RHOT2: variants seen among roughly 807,000 people sequenced by gnomAD.
RHOT2 encodes ras homolog family member T2, also known as mitochondrial Rho GTPase 2.
RHOT2 carries 90 observed loss-of-function variants against 81.6 expected under a neutral mutation model. The ratio of observed to expected loss-of-function variants is 1.10; its 90% CI spans 0.93 to 1.31. The LOEUF (loss-of-function observed/expected upper bound fraction) is 1.31, where lower values mean the gene tolerates loss of function less well. Ranked by LOEUF, RHOT2 falls within the 40% of genes most tolerant of loss-of-function variation. The pLI is 0.00. For synonymous variants in RHOT2, 512 were observed against 370.9 expected, an observed-to-expected ratio of 1.38 and a Z score of -4.37; for missense variants, 1,014 against 841.9, an observed-to-expected ratio of 1.20 and a Z score of -2.53.
intron 18 of RHOT2, 118 bp from the exon 19 acceptor site, chr16:673,362 C>G: frequency 6.8e-7 from 1 of 1,481,264 alleles, no homozygotes; most frequent in Non-Finnish European, 9.3e-7. Flanking sequence ...ACCGGCTGTG[C>G]CTCTGGTCTG....
At chr16:669,156 A>C in intron 4 of RHOT2, 1 of 387,694 alleles carries the variant, frequency 2.6e-6, no homozygotes, top group Non-Finnish European at 4.8e-6. Context: ...CTCTGTCTGT[A>C]GCGAGGGGGG....
At position 673,666 on chromosome 16, in the gene RHOT2, C is replaced by G. The variant is rs2039332130; in HGVS notation, c.*60C>G. On this transcript the variant is annotated 3_prime_UTR_variant, in exon 19 of 19. Coordinates refer to ENST00000315082, the MANE Select transcript of RHOT2 (RefSeq NM_138769.3). Reference sequence around the variant, plus strand: ...GGTGTGCCTCGCTGCTGGGGCTCTGCAGGGGCAGCACAGCTGGGGTGCAGG... The same window carrying G: ...GGTGTGCCTCGCTGCTGGGGCTCTGGAGGGGCAGCACAGCTGGGGTGCAGG... The G allele has an allele frequency of 1.9e-6, 3 of 1,563,322 alleles. No individual in the cohort carries two copies. Among genetic ancestry groups the G allele is most frequent in the Non-Finnish European group, 2.6e-6 (3 of 1,157,386 alleles).
rs761090510 is a variant in RHOT2 at position 670,961 on chromosome 16, G to A, written c.709G>A (p.Val237Met). The part of the protein sequence containing the change: ...EDVKTVVCRN[V>M]AGGVREDRLT... The stretch of plus-strand genomic sequence containing the variant: ...CGTGAAGACGGTGGTGTGCAGGAAC[G>A]TGGCGGGCGGCGTGCGGGAGGACCG... The change falls in exon 10 of 19, where the codon GTG (valine) becomes ATG (methionine). Residue 237 changes from valine (V) to methionine (M), a missense_variant. Physicochemically the swap from Val to Met is conservative, Grantham distance 21 (BLOSUM62 1). Transcript: ENST00000315082. The A allele has an allele frequency of 7.7e-6, 12 of 1,565,942 alleles. No homozygotes were observed. The highest frequency in any genetic ancestry group is 2.7e-5 in the African/African-American group (2 of 74,096).
At chr16:672,219 C>G in intron 14 of RHOT2, 35 bp from the exon 15 acceptor site, 1 of 1,612,034 alleles carries the variant, frequency 6.2e-7, no homozygotes, top group South Asian at 1.1e-5. Context: ...GCCCAGTATC[C>G]TGGCAGCTGC....
At position 671,202 on chromosome 16, in the gene RHOT2, CTG is replaced by C. The variant is rs1567247892; in HGVS notation, c.869+2_869+3del. On this transcript the variant is annotated splice_donor_variant and coding_sequence_variant, in exon 11 of 19. Transcript: ENST00000315082. LOFTEE classifies it high-confidence loss of function. ...GCTGACTGCGGACTATCTCTCCCCT[CTG>C]TGAGTGATGCCGGGGCTTGAGGCCT... 2 of 1,547,462 alleles carry C rather than the reference CTG, an allele frequency of 1.3e-6. No homozygotes were observed. The highest frequency in any genetic ancestry group is 2.3e-5 in the East Asian group (1 of 44,090).
Position 673,140 on chromosome 16 carries a change from C to T in RHOT2, c.1730+10C>T. ...CCATGGCCGCCTTCCCGTGGGTACC[C>T]AGTAGCGCAGCCCTGGGGACTAGCA... On this transcript the variant is annotated intron_variant, in intron 18 of 18. Transcript: ENST00000315082. 3.7e-6 allele frequency: 6 copies of T among 1,609,474 alleles called. No individual in the cohort carries two copies. Among genetic ancestry groups the T allele is most frequent in the Non-Finnish European group, 5.1e-6 (6 of 1,179,514 alleles).
In RHOT2 at chr16:671,305, C is replaced by A; in HGVS notation, c.869+102C>A. On this transcript the variant is annotated intron_variant, in intron 11 of 18. Transcript: ENST00000315082. ...AGTGACGCTGGGGTTTGAGGCCTGC[C>A]CTCCCTGAGGGTCAGTGAAGGTCTC... 4.1e-6 allele frequency: 6 copies of A among 1,460,600 alleles called. No individual in the cohort carries two copies. The South Asian group carries it at 8.4e-5, about 21-fold the overall frequency. 90.5% of individuals were successfully genotyped at this position (1,460,600 alleles called of 1,614,324 possible).
chr16:670,540 G>T lies in RHOT2; in HGVS notation c.523G>T (p.Asp175Tyr). The T allele has an allele frequency of 2.5e-6, 4 of 1,607,168 alleles. No individual in the cohort carries two copies. Among genetic ancestry groups the T allele is most frequent in the Non-Finnish European group, 2.5e-6 (3 of 1,176,970 alleles). ...CCTGCATCCCACAGCCCCCCTCTAT[G>T]ACCCTGAGGCCAAGCAGGTGAGCAT... ...AVLHPTAPLY[D>Y]PEAKQLRPAC... Residue 175 changes from aspartate to tyrosine, a missense_variant, in exon 8 of 19, where the codon GAC (aspartate) becomes TAC (tyrosine). Coordinates refer to ENST00000315082, the MANE Select transcript of RHOT2 (RefSeq NM_138769.3).
intron 17 of RHOT2, 49 bp downstream of exon 17, chr16:672,874 C>A (rs1596527706): frequency 1.2e-6 from 2 of 1,612,556 alleles, no homozygotes; most frequent in South Asian, 2.2e-5. Flanking sequence ...TCTGTCCCTC[C>A]AGCTGTGCCT....
chr16:673,796 C>T lies in RHOT2; in HGVS notation c.*190C>T, dbSNP rs2039344912. ...CTGCCATGCACTGCCCTGGCTCCTGCCGGACCCCCAGGGTGGGCCGTGGCA... is the reference window on the plus strand; with the variant it reads ...CTGCCATGCACTGCCCTGGCTCCTGTCGGACCCCCAGGGTGGGCCGTGGCA... On this transcript the variant is annotated 3_prime_UTR_variant, in exon 19 of 19. Coordinates refer to ENST00000315082, the MANE Select transcript of RHOT2 (RefSeq NM_138769.3). 6.6e-6 allele frequency: 5 copies of T among 754,786 alleles called. No homozygotes were observed. The highest frequency in any genetic ancestry group is 3.7e-5 in the South Asian group (2 of 53,752). The allele number at this position is 754,786 out of a possible 1,614,324, so 46.8% of individuals were successfully genotyped here.
chr16:672,976 G>A lies in RHOT2; in HGVS notation c.1576G>A (p.Ala526Thr). ...QTPCLFVSSK[A>T]DLPEGVAVSG... ...CCCCTGCCTCTTTGTCTCCTCCAAG[G>A]CCGACCTGCCCGAAGGTGTCGCGGT... Residue 526 changes from alanine (A) to threonine (T), a missense_variant, in exon 18 of 19, where the codon GCC (alanine) becomes ACC (threonine). Coordinates refer to ENST00000315082, the MANE Select transcript of RHOT2 (RefSeq NM_138769.3). 1 of 1,612,750 alleles carries A rather than the reference G, an allele frequency of 6.2e-7. No individual in the cohort carries two copies. Among genetic ancestry groups the A allele is most frequent in the Non-Finnish European group, 8.5e-7 (1 of 1,179,988 alleles).
intron 16 of RHOT2, 37 bp from the exon 17 acceptor site, chr16:672,666 C>A (rs1216648980): frequency 4.3e-6 from 7 of 1,611,236 alleles, no homozygotes; most frequent in Non-Finnish European, 5.9e-6. Context: ...GGGGACCGAG[C>A]CCCAGGGACC....
intron 4 of RHOT2, chr16:669,102 C>G (rs2038445279): frequency 2.6e-6 from 1 of 387,878 alleles, no homozygotes; most frequent in African/African-American, 2.1e-5. Context: ...CACAGCCACC[C>G]AGGGCAGCCC....
intron 9 of RHOT2, 45 bp downstream of exon 9, chr16:670,818 C>G (rs534579116): frequency 1.2e-6 from 2 of 1,605,152 alleles, no homozygotes; most frequent in African/African-American, 2.7e-5. Flanking sequence ...CTTGAACCTC[C>G]GCTGCCGTTA....
In RHOT2 at chr16:671,090, C is replaced by T. The variant is rs766043286; in HGVS notation, c.756C>T (p.Leu252=). Residue 252 remains leucine, a synonymous_variant, in exon 11 of 19, where the codon CTC becomes CTT. Transcript: ENST00000315082. ...TGCTTTGTCTCGGTGCAGGTTTCCTCTTCCTGAACACGCTCTTCATCCAGC... is the reference window on the plus strand; with the variant it reads ...TGCTTTGTCTCGGTGCAGGTTTCCTTTTCCTGAACACGCTCTTCATCCAGC... ...REDRLTLDGF[L]FLNTLFIQRG... 2 of 1,609,276 alleles carry T rather than the reference C, an allele frequency of 1.2e-6. No homozygotes were observed. Among genetic ancestry groups the T allele is most frequent in the East Asian group, 2.2e-5 (1 of 44,866 alleles).
chr16:669,468 G>C (rs1288714850), intron 4 of RHOT2, 85 bp from the exon 5 acceptor site: 1 of 1,411,742 alleles, frequency 7.1e-7, no homozygotes, highest in African/African-American at 1.4e-5. Context: ...GGGCCTCCTG[G>C]AGCCTCGAGA....
At chr16:668,863 G>A (rs2038398270) in intron 4 of RHOT2, 164 bp downstream of exon 4, 1 of 663,466 alleles carries the variant, frequency 1.5e-6, no homozygotes. Flanking sequence ...CACCCCGCTG[G>A]GAGCCGGCAC....
chr16:669,486 G>C (rs567003514), intron 4 of RHOT2, 67 bp from the exon 5 acceptor site: 3 of 1,538,396 alleles, frequency 2.0e-6, no homozygotes, highest in Middle Eastern at 1.8e-4. Flanking sequence ...AGATGGCGTG[G>C]AACGGCCAGG....
chr16:669,745 C>A lies in RHOT2; in HGVS notation c.276+139C>A. 3 of 822,220 alleles carry A rather than the reference C, an allele frequency of 3.6e-6. No homozygotes were observed. In the South Asian group the frequency reaches 4.6e-5, roughly 13 times the overall value. The allele number at this position is 822,220 out of a possible 1,614,324, so 50.9% of individuals were successfully genotyped here. ...GACGTGGAGTTGCCTGACGTGGAGT[C>A]ACCCGGCCCTCTCCTGTGATCCCAC... On this transcript the variant is annotated intron_variant, in intron 5 of 18. Transcript: ENST00000315082.
Sources: gnomAD v4.1 joint callset for allele counts on GRCh38, gnomAD v4.1.1 for gene constraint, MANE v1.5 for transcripts, NCBI Gene and HGNC (gene_info 2026-07-23, HGNC 2026-07-21) for gene names.